Variants in TSHR observed in about 807,000 individuals in gnomAD.
TSHR encodes thyroid stimulating hormone receptor.
TSHR carries 51 observed loss-of-function variants against 64.1 expected under a neutral mutation model. The ratio of observed to expected loss-of-function variants is 0.80; its 90% CI spans 0.64 to 1.01. The LOEUF (loss-of-function observed/expected upper bound fraction) is 1.01, where lower values mean the gene tolerates loss of function less well. TSHR is among the 50% of genes least tolerant of loss of function. TSHR has a pLI of 0.00. For synonymous variants in TSHR, 361 were observed against 361.9 expected (o/e 1.00, Z 0.03); for missense variants, 877 against 942.8 (o/e 0.93, Z 0.91).
At chr14:81,001,511 A>T (rs1407483973) in intron 1 of TSHR, 1 of 518,770 alleles carries the variant, frequency 1.9e-6, no homozygotes, top group Non-Finnish European at 3.8e-6. Flanking sequence ...TTCTCTCAGC[A>T]TTTATAAACA....
chr14:81,026,175 G>A (rs1362479907), intron 1 of TSHR, among the ~76,000 whole-genome samples: 1 of 152,210 alleles, frequency 6.6e-6, no homozygotes, highest in East Asian at 1.9e-4. Flanking sequence ...ATCCGCCATT[G>A]AATGTAAACT....
intron 7 of TSHR, among the ~76,000 whole-genome samples, chr14:81,100,597 G>A (rs931343464): frequency 2.6e-5 from 4 of 152,236 alleles, no homozygotes; most frequent in African/African-American, 9.6e-5. Context: ...CAGCTCCCAG[G>A]TTGTGTCCTA....
intron 8 of TSHR, among the ~76,000 whole-genome samples, chr14:81,109,806 T>C (rs201135286): frequency 6.6e-6 from 1 of 152,014 alleles, no homozygotes; most frequent in Non-Finnish European, 1.5e-5. Flanking sequence ...ACGTGGGGGT[T>C]ACTGTTAATT....
At chr14:81,080,448 C>A (rs1887820818) in intron 3 of TSHR, among the ~76,000 whole-genome samples, 1 of 152,096 alleles carries the variant, frequency 6.6e-6, no homozygotes, top group Non-Finnish European at 1.5e-5. Flanking sequence ...GCTGTATGCA[C>A]CTGCCAGGCA....
At chr14:81,037,014 G>A (rs1450733508) in intron 1 of TSHR, among the ~76,000 whole-genome samples, 1 of 151,934 alleles carries the variant, frequency 6.6e-6, no homozygotes, top group Non-Finnish European at 1.5e-5. Flanking sequence ...GTGGTGGTGT[G>A]TGCCTGCAGT....
chr14:81,069,254 C>T (rs932004624), intron 3 of TSHR, among the ~76,000 whole-genome samples: 5 of 152,002 alleles, frequency 3.3e-5, no homozygotes, highest in South Asian at 4.2e-4. Flanking sequence ...TTTCCTTGGT[C>T]GCACAGTTAC....
At chr14:80,999,394 GT>G (rs1426243228) in intron 1 of TSHR, among the ~76,000 whole-genome samples, 1 of 152,074 alleles carries the variant, frequency 6.6e-6, no homozygotes, top group African/African-American at 2.4e-5. Context: ...AACATTCCAG[GT>G]TTTTCCTCCA....
At chr14:81,084,185 G>A (rs965053) in intron 3 of TSHR, among the ~76,000 whole-genome samples, 2,674 of 152,174 alleles carry the variant, frequency 0.018, 73 homozygotes, top group African/African-American at 0.062. Context: ...TAATCAATAC[G>A]CTTTAAGAGC....
intron 8 of TSHR, among the ~76,000 whole-genome samples, chr14:81,120,775 C>G (rs991081337): frequency 6.6e-6 from 1 of 152,030 alleles, no homozygotes; most frequent in African/African-American, 2.4e-5. Flanking sequence ...TTGGAAGGAA[C>G]AGAAACAATG....
At chr14:81,089,496 T>G (rs1334511462) in intron 4 of TSHR, among the ~76,000 whole-genome samples, 2 of 152,194 alleles carry the variant, frequency 1.3e-5, no homozygotes, top group Admixed American at 6.5e-5. Flanking sequence ...ACATACAGGT[T>G]TCTAAGACAT....
At chr14:81,066,756 T>C (rs1261131718) in intron 2 of TSHR, among the ~76,000 whole-genome samples, 1 of 152,176 alleles carries the variant, frequency 6.6e-6, no homozygotes, top group African/African-American at 2.4e-5. Context: ...CTAGACCGGG[T>C]CTTGGACATC....
chr14:81,038,888 C>T (rs1884786731), intron 1 of TSHR, among the ~76,000 whole-genome samples: 1 of 151,392 alleles, frequency 6.6e-6, no homozygotes, highest in Non-Finnish European at 1.5e-5. Flanking sequence ...TAACAAGATT[C>T]AATCAGTAAT....
chr14:80,982,655 A>G (rs1888233417), intron 1 of TSHR: 2 of 1,094,426 alleles, frequency 1.8e-6, no homozygotes, highest in Non-Finnish European at 2.5e-6. Context: ...TATCTGGCCC[A>G]AAGCCCCTGC....
intron 1 of TSHR, chr14:80,995,479 A>G (rs898599945): frequency 6.6e-6 from 1 of 152,188 alleles, no homozygotes; most frequent in Non-Finnish European, 1.5e-5. Flanking sequence ...CATATACACT[A>G]TGGAATACTA....
chr14:81,110,269 A>T (rs552775230), intron 8 of TSHR, among the ~76,000 whole-genome samples: 5 of 152,230 alleles, frequency 3.3e-5, no homozygotes, highest in Non-Finnish European at 1.5e-5. Context: ...GTATTTGAAG[A>T]TAGGGTCTGT....
chr14:81,128,716 G>T (rs950709471), intron 8 of TSHR, among the ~76,000 whole-genome samples: 1 of 152,066 alleles, frequency 6.6e-6, no homozygotes, highest in African/African-American at 2.4e-5. Context: ...GGCACTAGTT[G>T]TTTTCTCTGC....
intron 1 of TSHR, among the ~76,000 whole-genome samples, chr14:81,030,000 A>T (rs1023829273): frequency 3.9e-5 from 6 of 152,188 alleles, no homozygotes; most frequent in Admixed American, 3.9e-4. Flanking sequence ...TTCTGCACAA[A>T]GGCCTCTTTT....
intron 1 of TSHR, among the ~76,000 whole-genome samples, chr14:80,975,450 A>C (rs1409664087): frequency 6.6e-6 from 1 of 152,034 alleles, no homozygotes; most frequent in African/African-American, 2.4e-5. Flanking sequence ...AACACACTCA[A>C]GTATCTTTCC....
chr14:81,068,150 A>G, intron 2 of TSHR, 104 bp from the exon 3 acceptor site: 1 of 1,043,552 alleles, frequency 9.6e-7, no homozygotes, highest in Non-Finnish European at 1.5e-6. Flanking sequence ...TACATGTTGC[A>G]TGATCTGGGA....
Sources: allele counts gnomAD v4.1 joint callset (sites outside exome capture counted in the v4.1 genomes callset), GRCh38; gene constraint gnomAD v4.1.1; transcripts MANE v1.5; gene names NCBI Gene and HGNC (gene_info 2026-07-23, HGNC 2026-07-21).